ESRRB: variants seen among roughly 807,000 people sequenced by gnomAD.
The protein encoded by ESRRB is estrogen related receptor beta.
A neutral mutation model predicts 46.0 loss-of-function variants in ESRRB; 16 were observed. The ratio of observed to expected loss-of-function variants is 0.35; its 90% CI spans 0.24 to 0.53. ESRRB has a LOEUF of 0.53. Among genes scored for constraint, ESRRB ranks in the 20% least tolerant of loss-of-function variants. The pLI, the probability that ESRRB is intolerant of heterozygous loss-of-function variation, is 0.93. For synonymous variants in ESRRB, 246 were observed against 259.6 expected (o/e 0.95, Z 0.50); for missense variants, 488 against 607.4 (o/e 0.80, Z 2.07).
chr14:76,445,644 G>A (rs948802748), intron 2 of ESRRB, among the ~76,000 whole-genome samples: 2 of 151,602 alleles, frequency 1.3e-5, no homozygotes, highest in Non-Finnish European at 2.9e-5. Context: ...GATAGATTTA[G>A]GGAGAAAGAC....
At chr14:76,490,188 A>G (rs1890169873) in intron 5 of ESRRB, among the ~76,000 whole-genome samples, 2 of 152,228 alleles carry the variant, frequency 1.3e-5, no homozygotes, top group Non-Finnish European at 2.9e-5. Flanking sequence ...CCTTCTTTGA[A>G]TAAATCCAGC....
At chr14:76,447,428 A>T (rs892162101) in intron 2 of ESRRB, among the ~76,000 whole-genome samples, 7 of 151,828 alleles carry the variant, frequency 4.6e-5, no homozygotes, top group Non-Finnish European at 1.0e-4. Context: ...TGCGCCCAGC[A>T]TCTTCCTTCT....
At chr14:76,428,261 G>A (rs1476617045) in intron 1 of ESRRB, among the ~76,000 whole-genome samples, 2 of 152,136 alleles carry the variant, frequency 1.3e-5, no homozygotes, top group South Asian at 2.1e-4. Context: ...GCCTCCCAAA[G>A]CGCTGGGATT....
chr14:76,489,144 C>T (rs1890122218), intron 5 of ESRRB, among the ~76,000 whole-genome samples: 2 of 152,048 alleles, frequency 1.3e-5, no homozygotes, highest in Non-Finnish European at 2.9e-5. Flanking sequence ...CTCATCCTCT[C>T]TCTCCACCAC....
intron 1 of ESRRB, among the ~76,000 whole-genome samples, chr14:76,318,252 G>GT (rs1883825405): frequency 6.6e-6 from 1 of 152,168 alleles, no homozygotes; most frequent in Non-Finnish European, 1.5e-5. Flanking sequence ...AGCAGAGTTG[G>GT]AAGCGAGGAG....
chr14:76,359,358 C>T (rs947137159), intron 1 of ESRRB, among the ~76,000 whole-genome samples: 1 of 152,218 alleles, frequency 6.6e-6, no homozygotes, highest in African/African-American at 2.4e-5. Context: ...GGCATTATAT[C>T]TTTAAACACA....
chr14:76,497,050 G>T (rs1302885514), intron 6 of ESRRB, among the ~76,000 whole-genome samples: 1 of 152,190 alleles, frequency 6.6e-6, no homozygotes, highest in Non-Finnish European at 1.5e-5. Context: ...CCTCCTTGGG[G>T]AGAGTCGGGG....
chr14:76,453,178 G>A (rs2139968028), intron 2 of ESRRB, among the ~76,000 whole-genome samples: 1 of 152,302 alleles, frequency 6.6e-6, no homozygotes, highest in African/African-American at 2.4e-5. Flanking sequence ...AAGGGTTGAG[G>A]GACCCTGCGG....
intron 1 of ESRRB, among the ~76,000 whole-genome samples, chr14:76,342,002 G>A (rs1884197143): frequency 6.6e-6 from 1 of 152,236 alleles, no homozygotes. Flanking sequence ...CTGGAGTTGG[G>A]CTGATGGGGA....
At chr14:76,389,896 T>G (rs1157608499) in intron 1 of ESRRB, among the ~76,000 whole-genome samples, 1 of 152,222 alleles carries the variant, frequency 6.6e-6, no homozygotes, top group Non-Finnish European at 1.5e-5. Flanking sequence ...TTACACCTAA[T>G]GTATGGTGGA....
At chr14:76,428,156 G>A (rs1263460055) in intron 1 of ESRRB, among the ~76,000 whole-genome samples, 1 of 152,054 alleles carries the variant, frequency 6.6e-6, no homozygotes, top group Admixed American at 6.6e-5. Flanking sequence ...GCACCACCAT[G>A]CCTGGCTAAT....
chr14:76,370,726 T>C (rs1364588818), upstream of ESRRB, among the ~76,000 whole-genome samples: 2 of 152,172 alleles, frequency 1.3e-5, no homozygotes, highest in Non-Finnish European at 2.9e-5. Context: ...CATAATGTGC[T>C]CCTATTCTCC....
chr14:76,457,431 A>G (rs1266747555), intron 2 of ESRRB, among the ~76,000 whole-genome samples: 1 of 150,902 alleles, frequency 6.6e-6, no homozygotes, highest in Admixed American at 6.7e-5. Flanking sequence ...ACAAATTCAT[A>G]AACTTTCTTG....
intron 3 of ESRRB, among the ~76,000 whole-genome samples, chr14:76,467,406 C>T (rs1459339110): frequency 6.7e-6 from 1 of 148,972 alleles, no homozygotes; most frequent in Non-Finnish European, 1.5e-5. Flanking sequence ...GAAACTGAGG[C>T]AGGAGCATTG....
chr14:76,353,418 C>T (rs1884337901), intron 1 of ESRRB, among the ~76,000 whole-genome samples: 1 of 152,208 alleles, frequency 6.6e-6, no homozygotes, highest in East Asian at 1.9e-4. Flanking sequence ...CCATTACCAT[C>T]CCCTAAGACT....
chr14:76,460,218 C>G (rs1204727889), intron 2 of ESRRB, among the ~76,000 whole-genome samples: 3 of 152,204 alleles, frequency 2.0e-5, no homozygotes, highest in African/African-American at 7.2e-5. Context: ...TACTACCCAC[C>G]AGGCGACCTC....
At chr14:76,411,715 G>C (rs1403358792) in intron 1 of ESRRB, among the ~76,000 whole-genome samples, 1 of 152,120 alleles carries the variant, frequency 6.6e-6, no homozygotes, top group East Asian at 1.9e-4. Flanking sequence ...GTTCTTTGGA[G>C]GGTGGAATAA....
At chr14:76,416,899 G>A (rs942784369) in intron 1 of ESRRB, among the ~76,000 whole-genome samples, 7 of 152,124 alleles carry the variant, frequency 4.6e-5, no homozygotes, top group Non-Finnish European at 7.3e-5. Flanking sequence ...GATGATAAAC[G>A]GAGAAGCAAT....
At position 76,500,736 on chromosome 14, in the gene ESRRB, C is replaced by A. The variant is rs761001972; in HGVS notation, c.*2278C>A. On this transcript the variant is annotated 3_prime_UTR_variant, in exon 7 of 7. Coordinates refer to ENST00000644823, the MANE Select transcript of ESRRB (RefSeq NM_001379180.1). Reference sequence around the variant, plus strand: ...TCACCATGTAACATCTGGCTTGGAGCAAGTGGGTGTTCTGCACACCAGGCA... The same window carrying A: ...TCACCATGTAACATCTGGCTTGGAGAAAGTGGGTGTTCTGCACACCAGGCA... The A allele has an allele frequency of 6.2e-7, 1 of 1,613,880 alleles. No homozygotes were observed. The highest frequency in any genetic ancestry group is 8.5e-7 in the Non-Finnish European group (1 of 1,179,802).
Sources: allele counts gnomAD v4.1 joint callset (sites outside exome capture counted in the v4.1 genomes callset), GRCh38; gene constraint gnomAD v4.1.1; transcripts MANE v1.5; gene names NCBI Gene and HGNC (gene_info 2026-07-23, HGNC 2026-07-21).